ZMAT4: variants seen among roughly 807,000 people sequenced by gnomAD.
The protein encoded by ZMAT4 is zinc finger matrin-type protein 4.
In ZMAT4, 17 loss-of-function variants were observed where a neutral mutation model predicts 28.7. The ratio of observed to expected loss-of-function variants is 0.59; its 90% CI spans 0.41 to 0.89. ZMAT4 has a LOEUF of 0.89. ZMAT4 is among the 40% of genes least tolerant of loss of function. The pLI is 0.00. For synonymous variants in ZMAT4, 117 were observed against 109.2 expected, an observed-to-expected ratio of 1.07 and a Z score of -0.44; for missense variants, 240 against 283.8, an observed-to-expected ratio of 0.85 and a Z score of 1.11.
At chr8:40,688,441 G>A (rs1440960627) in intron 4 of ZMAT4, among the ~76,000 whole-genome samples, 1 of 151,968 alleles carries the variant, frequency 6.6e-6, no homozygotes. Flanking sequence ...GGGTGACAGG[G>A]CAAGACTCCA....
chr8:40,737,329 C>T (rs1329025970), intron 3 of ZMAT4, among the ~76,000 whole-genome samples: 5 of 151,788 alleles, frequency 3.3e-5, no homozygotes, highest in African/African-American at 9.7e-5. Context: ...TGGACACCCC[C>T]GATTTAAGGA....
At chr8:40,692,826 G>A (rs1157091534) in intron 4 of ZMAT4, among the ~76,000 whole-genome samples, 1 of 152,108 alleles carries the variant, frequency 6.6e-6, no homozygotes, top group Non-Finnish European at 1.5e-5. Flanking sequence ...AAAGAGAAGA[G>A]TTAAATGATG....
intron 3 of ZMAT4, among the ~76,000 whole-genome samples, chr8:40,748,286 T>C (rs1427269126): frequency 1.3e-5 from 2 of 152,212 alleles, no homozygotes; most frequent in African/African-American, 4.8e-5. Flanking sequence ...AAAGGAATGG[T>C]TCCTGTTGCA....
At chr8:40,615,365 A>C (rs1230878515) in intron 5 of ZMAT4, among the ~76,000 whole-genome samples, 1 of 151,834 alleles carries the variant, frequency 6.6e-6, no homozygotes, top group Non-Finnish European at 1.5e-5. Context: ...AAGATTTTTT[A>C]CCTCATTTCA....
chr8:40,797,243 C>T (rs752797781), intron 2 of ZMAT4, among the ~76,000 whole-genome samples: 5 of 152,218 alleles, frequency 3.3e-5, no homozygotes, highest in Non-Finnish European at 5.9e-5. Flanking sequence ...CCAAAAAAAG[C>T]ACCAGCACCT....
chr8:40,881,435 GAAAGAAAGAA>G (rs1377764378), intron 1 of ZMAT4, among the ~76,000 whole-genome samples: 1 of 49,286 alleles, frequency 2.0e-5, no homozygotes, highest in African/African-American at 6.2e-5. Flanking sequence ...AAGAAAGAGA[GAAAGAAAGAA>G]AGAAAGAAAG....
At chr8:40,711,191 T>G (rs1422208951) in intron 3 of ZMAT4, among the ~76,000 whole-genome samples, 1 of 152,118 alleles carries the variant, frequency 6.6e-6, no homozygotes, top group Non-Finnish European at 1.5e-5. Context: ...AATTAGACAC[T>G]GATAAAAGAA....
intron 4 of ZMAT4, 132 bp downstream of exon 4, chr8:40,697,113 C>T: frequency 8.9e-7 from 1 of 1,126,936 alleles, no homozygotes; most frequent in Non-Finnish European, 1.2e-6. Context: ...CCACTCATCC[C>T]TTTAGGCTTT....
intron 3 of ZMAT4, among the ~76,000 whole-genome samples, chr8:40,745,086 G>A (rs1812163664): frequency 6.6e-6 from 1 of 152,180 alleles, no homozygotes; most frequent in Non-Finnish European, 1.5e-5. Context: ...ACCACAGGAA[G>A]GGACAAAGAT....
intron 5 of ZMAT4, among the ~76,000 whole-genome samples, chr8:40,636,089 A>G (rs1229859006): frequency 1.3e-5 from 2 of 152,190 alleles, no homozygotes; most frequent in Non-Finnish European, 2.9e-5. Context: ...AAAATTCAAG[A>G]TATTCCCCCA....
At chr8:40,688,642 G>A (rs368195329) in intron 4 of ZMAT4, among the ~76,000 whole-genome samples, 36 of 151,948 alleles carry the variant, frequency 2.4e-4, no homozygotes, top group African/African-American at 8.2e-4. Context: ...TCACTTAGCA[G>A]GAAATCCTAC....
intron 5 of ZMAT4, among the ~76,000 whole-genome samples, chr8:40,604,096 T>TC (rs1805496119): frequency 1.3e-5 from 2 of 152,216 alleles, no homozygotes; most frequent in Non-Finnish European, 2.9e-5. Context: ...ACTGAATTCA[T>TC]TTATCAGATC....
intron 2 of ZMAT4, among the ~76,000 whole-genome samples, chr8:40,795,956 T>C (rs1284412355): frequency 1.3e-5 from 2 of 152,196 alleles, no homozygotes; most frequent in Non-Finnish European, 2.9e-5. Flanking sequence ...TTCCACACTT[T>C]CTTCTTTGTT....
intron 5 of ZMAT4, among the ~76,000 whole-genome samples, chr8:40,591,926 A>G (rs1259858693): frequency 1.3e-5 from 2 of 151,910 alleles, no homozygotes; most frequent in East Asian, 3.9e-4. Flanking sequence ...GAAAATATTT[A>G]TTTCCTATTT....
chr8:40,701,112 G>A (rs1810126087), intron 3 of ZMAT4, among the ~76,000 whole-genome samples: 1 of 152,152 alleles, frequency 6.6e-6, no homozygotes, highest in South Asian at 2.1e-4. Context: ...AACCAGAGGT[G>A]ACAACAATTT....
chr8:40,559,756 C>CA, intron 6 of ZMAT4, among the ~76,000 whole-genome samples: 1 of 152,140 alleles, frequency 6.6e-6, no homozygotes, highest in East Asian at 1.9e-4. Context: ...CAAACAAACA[C>CA]AAAAACACAC....
intron 5 of ZMAT4, among the ~76,000 whole-genome samples, chr8:40,600,609 G>T: frequency 6.6e-6 from 1 of 152,210 alleles, no homozygotes; most frequent in Admixed American, 6.5e-5. Flanking sequence ...ACAGAGCAGT[G>T]AGTCACACTT....
intron 1 of ZMAT4, among the ~76,000 whole-genome samples, chr8:40,872,427 G>T (rs11989200): frequency 0.63 from 96,267 of 151,896 alleles, 30,552 homozygotes; most frequent in Non-Finnish European, 0.65. Context: ...GGCCTCGGGG[G>T]CCCCAGTACC....
chr8:40,895,904 G>A (rs1359462214), intron 1 of ZMAT4, among the ~76,000 whole-genome samples: 2 of 152,220 alleles, frequency 1.3e-5, no homozygotes, highest in East Asian at 3.9e-4. Context: ...GGCCACAGAG[G>A]ACGACGTCCA....
Sources: allele counts gnomAD v4.1 joint callset (sites outside exome capture counted in the v4.1 genomes callset), GRCh38; gene constraint gnomAD v4.1.1; transcripts MANE v1.5; gene names NCBI Gene and HGNC (gene_info 2026-07-23, HGNC 2026-07-21).